Variants in CFAP251 observed in about 807,000 individuals in gnomAD.
CFAP251 encodes the protein cilia- and flagella-associated protein 251.
Under a neutral mutation model 126.7 loss-of-function variants are expected in CFAP251, and 93 were observed. The observed-to-expected ratio is 0.73, with a 90% CI of 0.62 to 0.87. The LOEUF is 0.87. CFAP251 is among the 40% of genes least tolerant of loss of function. The pLI, the probability that CFAP251 is intolerant of heterozygous loss-of-function variation, is 0.00. For missense variants in CFAP251, 1,287 were observed against 1,389.2 expected (o/e 0.93, Z 1.17); for synonymous variants, 503 against 506.9 (o/e 0.99, Z 0.10).
Position 121,928,646 on chromosome 12 carries a change from A to ATATACG in CFAP251, c.748-3096_748-3095insCGTATA, listed in dbSNP as rs1565902576. 8.1e-4 allele frequency among the ~76,000 whole-genome samples: 17 copies of ATATACG among 20,864 alleles called. No individual in the cohort carries two copies. The East Asian group carries it at 0.014, about 18-fold the overall frequency. The allele number at this position is 20,864 out of a possible 152,430, so 13.7% of individuals were successfully genotyped here. A position where few individuals can be genotyped will look rare whatever the true frequency, so the allele number is the denominator to read the frequency against. ...TATGTGTATATATATACGTATATAT[A>ATATACG]TATATATATACGTATATATATACGT... On this transcript the variant is annotated intron_variant, in intron 3 of 21. Transcript: ENST00000288912.
Position 121,921,491 on chromosome 12 carries a change from G to GGAGAAGGAGGAGAAA in CFAP251, c.189_190insAAGGAGGAGAAAGAG (p.Glu63_Glu64insLysGluGluLysGlu). ...AGAGGAAAACGGGCGAGGAGGAAGG[G>GGAGAAGGAGGAGAAA]GAGGAGGAGGGGAAGGAGGACAAAA... On this transcript the variant is annotated inframe_insertion, in exon 2 of 22. Transcript: ENST00000288912. The GGAGAAGGAGGAGAAA allele has an allele frequency of 1.2e-6, 2 of 1,607,928 alleles. No homozygotes were observed. Among genetic ancestry groups the GGAGAAGGAGGAGAAA allele is most frequent in the South Asian group, 1.1e-5 (1 of 90,486 alleles).
chr12:121,983,740 TA>T (rs74826523), intron 19 of CFAP251, among the ~76,000 whole-genome samples: 161 of 141,076 alleles, frequency 1.1e-3, no homozygotes, highest in African/African-American at 1.0e-3. Flanking sequence ...TTATCTACTT[TA>T]AAAAAAAAAA....
chr12:121,956,421 C>T (rs993204870), intron 10 of CFAP251, among the ~76,000 whole-genome samples: 8 of 152,024 alleles, frequency 5.3e-5, no homozygotes, highest in Non-Finnish European at 7.3e-5. Context: ...GCCACATGGC[C>T]CTGATAAAAT....
chr12:121,958,993 G>T lies in CFAP251; in HGVS notation c.2032G>T (p.Ala678Ser). Reference protein sequence around the residue: ...FTEGTVYILDAMSLENESPEP... With the variant: ...FTEGTVYILDSMSLENESPEP... ...AGAGGGGACAGTTTACATTCTTGATGCAATGTCTTTAGAAAATGAAAGCCC... is the reference window on the plus strand; with the variant it reads ...AGAGGGGACAGTTTACATTCTTGATTCAATGTCTTTAGAAAATGAAAGCCC... The change falls in exon 13 of 22, where the codon GCA becomes TCA. Residue 678 changes from alanine to serine, a missense_variant. By Grantham distance (99) the Ala-to-Ser change is moderately conservative (BLOSUM62 1). Coordinates refer to ENST00000288912, the MANE Select transcript of CFAP251 (RefSeq NM_144668.6). The T allele has an allele frequency of 6.2e-7, 1 of 1,611,944 alleles. No homozygotes were observed.
chr12:121,936,872 T>A (rs940848428), intron 5 of CFAP251, among the ~76,000 whole-genome samples: 2 of 151,662 alleles, frequency 1.3e-5, no homozygotes, highest in East Asian at 3.9e-4. Flanking sequence ...GTAGGATAAT[T>A]GGAAGGGGAG....
intron 16 of CFAP251, 111 bp from the exon 17 acceptor site, chr12:121,967,895 G>C (rs1882201080): frequency 1.0e-6 from 1 of 1,003,866 alleles, no homozygotes; most frequent in Non-Finnish European, 1.5e-6. Context: ...GATGGGTCCA[G>C]ACACACAGGT....
rs556230642 is a variant in CFAP251 at position 121,948,860 on chromosome 12, G to A, written c.1192-124G>A. On this transcript the variant is annotated intron_variant, in intron 7 of 21. Transcript: ENST00000288912. ...TTCCTATTTTTTTTTACGAAATGCG[G>A]TATCTTTTCTGTTTTATATTCCTAC... 2.0e-4 allele frequency: 112 copies of A among 550,762 alleles called. 2 individuals are homozygous for A. Among genetic ancestry groups the A allele is most frequent in the Non-Finnish European group, 2.9e-4 (94 of 321,284 alleles). The allele number at this position is 550,762 out of a possible 1,614,324, so 34.1% of individuals were successfully genotyped here. A position where few individuals can be genotyped will look rare whatever the true frequency, so the allele number is the denominator to read the frequency against.
At position 121,934,348 on chromosome 12, in the gene CFAP251, C is replaced by T; in HGVS notation, c.990C>T (p.Ser330=). The change falls in exon 5 of 22, where the codon TCC becomes TCT. Residue 330 remains serine, a synonymous_variant. Coordinates refer to ENST00000288912, the MANE Select transcript of CFAP251 (RefSeq NM_144668.6). ...ACTGCCTGGTGATTATATGGGACTC[C>T]TTCACAGGGTAGGCTTTGTGTAGCC... The part of the protein sequence containing the change: ...GPDCLVIIWD[S]FTGIPVHTIF... 1 of 1,612,978 alleles carries T rather than the reference C, an allele frequency of 6.2e-7. No homozygotes were observed. Among genetic ancestry groups the T allele is most frequent in the Non-Finnish European group, 8.5e-7 (1 of 1,179,062 alleles).
chr12:121,919,135 TTATTATTA>T (rs1880048211), intron 1 of CFAP251, among the ~76,000 whole-genome samples: 2 of 55,568 alleles, frequency 3.6e-5, no homozygotes, highest in Non-Finnish European at 8.9e-5. Context: ...TTTATTATTA[TTATTATTA>T]TTTTTTTTTT....
At position 121,958,914 on chromosome 12, in the gene CFAP251, TTCCATCGTTCTCTGGCTTG is replaced by T; in HGVS notation, c.1982-26_1982-8del. 6.4e-7 allele frequency: 1 copy of T among 1,558,258 alleles called. No individual in the cohort carries two copies. Among genetic ancestry groups the T allele is most frequent in the Non-Finnish European group, 8.6e-7 (1 of 1,158,592 alleles). On this transcript the variant is annotated splice_polypyrimidine_tract_variant and intron_variant, in intron 12 of 21. Coordinates refer to ENST00000288912, the MANE Select transcript of CFAP251 (RefSeq NM_144668.6). ...CATCTCTTGAATGAATGTAATCCTT[TTCCATCGTTCTCTGGCTTG>T]TCATTTCAGGAGCCCTTCTTGGAGC...
intron 7 of CFAP251, among the ~76,000 whole-genome samples, chr12:121,943,652 C>T (rs1490994833): frequency 3.9e-5 from 6 of 152,008 alleles, no homozygotes; most frequent in East Asian, 1.9e-4. Flanking sequence ...CTTGAACTCC[C>T]GACCTCAGGT....
At chr12:121,933,333 G>C (rs1483035568) in intron 4 of CFAP251, 1 of 152,366 alleles carries the variant, frequency 6.6e-6, no homozygotes, top group Non-Finnish European at 1.5e-5. Context: ...CCAAACAGAG[G>C]GAGCAACAAG....
At chr12:121,972,637 T>A (rs1473671274) in intron 17 of CFAP251, among the ~76,000 whole-genome samples, 3 of 152,028 alleles carry the variant, frequency 2.0e-5, no homozygotes, top group African/African-American at 7.2e-5. Context: ...CACAGGTGTG[T>A]GCCACCATGC....
At position 121,999,779 on chromosome 12, in the gene CFAP251, A is replaced by T. The variant is rs764550507; in HGVS notation, c.3070A>T (p.Lys1024Ter). 4.2e-5 allele frequency: 68 copies of T among 1,613,860 alleles called. No individual in the cohort carries two copies. The highest frequency in any genetic ancestry group is 5.6e-5 in the Non-Finnish European group (66 of 1,179,872). ...EYVDTGKLID[K>*]INLPDFLKVY... ...TGTGGACACTGGAAAGCTAATCGAC[A>T]AGATCAACTTACCAGATTTCCTAAA... The change falls in exon 20 of 22, where the codon AAG (lysine) becomes TAG (stop). Residue 1024 changes from lysine (K) to a stop codon, truncating the protein, a stop_gained. Transcript: ENST00000288912. LOFTEE classifies it high-confidence loss of function.
At chr12:121,978,349 G>C (rs1197764022) in intron 19 of CFAP251, among the ~76,000 whole-genome samples, 1 of 121,126 alleles carries the variant, frequency 8.3e-6, no homozygotes, top group Non-Finnish European at 1.6e-5. Flanking sequence ...AGCCGAGATC[G>C]TGCCACTGCA....
rs987339442 is a variant in CFAP251, at chr12:121,989,262, G to A, written c.3007-10454G>A. Reference sequence around the variant, plus strand: ...AGGTGTTTGAGACCTGGGCTCTGATGCAGGGCAGGGTGACAGTCACTCTAA... The same window carrying A: ...AGGTGTTTGAGACCTGGGCTCTGATACAGGGCAGGGTGACAGTCACTCTAA... On this transcript the variant is annotated intron_variant, in intron 19 of 21. Transcript: ENST00000288912. This position sits in a 1 kb window ranked among gnomAD's most constrained non-coding sequence, Gnocchi z 4.2. 6.6e-6 allele frequency among the ~76,000 whole-genome samples: 1 copy of A among 152,238 alleles called. No homozygotes were observed. The highest frequency in any genetic ancestry group is 2.4e-5 in the African/African-American group (1 of 41,458).
Position 121,923,706 on chromosome 12 carries a change from C to T in CFAP251, c.463C>T (p.Gln155Ter). 6.2e-7 allele frequency: 1 copy of T among 1,612,770 alleles called. No individual in the cohort carries two copies. Among genetic ancestry groups the T allele is most frequent in the Non-Finnish European group, 8.5e-7 (1 of 1,179,344 alleles). ...TGAGCTTTTAAGAGACCTGAGCACA[C>T]AAATTGAATTTCTTGATTTGGATCA... is the stretch of plus-strand genomic sequence containing the variant. The part of the protein sequence containing the change: ...TDELLRDLST[Q>*]IEFLDLDQIS... Residue 155 changes from glutamine (Q) to a stop codon, truncating the protein, a stop_gained, in exon 3 of 22, where the codon CAA becomes TAA. Coordinates refer to ENST00000288912, the MANE Select transcript of CFAP251 (RefSeq NM_144668.6). LOFTEE classifies it high-confidence loss of function.
chr12:121,976,343 A>G (rs183475077), intron 19 of CFAP251, among the ~76,000 whole-genome samples: 1 of 152,264 alleles, frequency 6.6e-6, no homozygotes. Context: ...ATTGATGCCT[A>G]CGCAGCCCTG....
At chr12:121,971,467 C>T (rs1423683708) in intron 17 of CFAP251, 15 of 695,942 alleles carry the variant, frequency 2.2e-5, no homozygotes, top group Middle Eastern at 2.7e-4. Flanking sequence ...TTTCCATGGC[C>T]GTAATAATCC....
Sources: allele counts gnomAD v4.1 joint callset (sites outside exome capture counted in the v4.1 genomes callset), GRCh38; gene constraint gnomAD v4.1.1; non-coding constraint Gnocchi (gnomAD v3.1); transcripts MANE v1.5; gene names NCBI Gene and HGNC (gene_info 2026-07-23, HGNC 2026-07-21).